CFH: variants seen among roughly 807,000 people sequenced by gnomAD.
CFH encodes complement factor H, also known as H factor 1 (complement).
Under a neutral mutation model 147.3 loss-of-function variants are expected in CFH, and 53 were observed. The ratio of observed to expected loss-of-function variants is 0.36; its 90% CI spans 0.29 to 0.45. CFH has a LOEUF of 0.45. Among genes scored for constraint, CFH ranks in the 20% least tolerant of loss-of-function variants. CFH has a pLI of 1.00. For synonymous variants in CFH, 536 were observed against 489.4 expected (o/e 1.10, Z -1.26); for missense variants, 1,380 against 1,498.0 (o/e 0.92, Z 1.30).
rs15809 is a variant in CFH at position 196,745,933 on chromosome 1, C to A, written c.3427C>A (p.Gln1143Lys). The A allele has an allele frequency of 4.3e-6, 7 of 1,613,904 alleles. No individual in the cohort carries two copies. The highest frequency in any genetic ancestry group is 2.2e-5 in the South Asian group (2 of 91,078). Residue 1143 changes from glutamine (Q) to lysine (K), a missense_variant, in exon 21 of 22, where the codon CAA becomes AAA. Physicochemically the swap from Gln to Lys is moderately conservative, Grantham distance 53. This residue lies in a region of CFH where 123 missense variants were observed against 185.3 expected (regional missense o/e 0.66). Coordinates refer to ENST00000367429, the MANE Select transcript of CFH (RefSeq NM_000186.4). ...SVEYQCQNLY[Q>K]LEGNKRITCR... Reference sequence around the variant, plus strand: ...TGAGTACCAATGCCAGAACTTGTATCAACTTGAGGGTAACAAGCGAATAAC... The same window carrying A: ...TGAGTACCAATGCCAGAACTTGTATAAACTTGAGGGTAACAAGCGAATAAC...
chr1:196,664,915 A>G (rs938274313), intron 1 of CFH, among the ~76,000 whole-genome samples: 14 of 151,950 alleles, frequency 9.2e-5, no homozygotes, highest in African/African-American at 2.7e-4. Flanking sequence ...AAGATTCTTT[A>G]TTGCTAAGTT....
chr1:196,703,612 G>GA (rs1668514459), intron 9 of CFH, among the ~76,000 whole-genome samples: 1 of 152,064 alleles, frequency 6.6e-6, no homozygotes, highest in Non-Finnish European at 1.5e-5. Flanking sequence ...AATAATGAAG[G>GA]TGACTGAAAT....
chr1:196,725,020 GTATGACCCAA>G (rs1669102714), intron 11 of CFH, 91 bp from the exon 12 acceptor site: 2 of 942,998 alleles, frequency 2.1e-6, no homozygotes, highest in East Asian at 5.3e-5. Context: ...ATGCCCCTCT[GTATGACCCAA>G]TATCAACCTC....
At chr1:196,665,882 T>A (rs1573001272) in intron 1 of CFH, among the ~76,000 whole-genome samples, 1 of 152,154 alleles carries the variant, frequency 6.6e-6, no homozygotes. Context: ...GCTGGGAATA[T>A]AGGCGTGAGC....
intron 1 of CFH, among the ~76,000 whole-genome samples, chr1:196,657,664 C>A (rs1255635826): frequency 6.6e-6 from 1 of 152,034 alleles, no homozygotes; most frequent in Non-Finnish European, 1.5e-5. Context: ...ATGCAAAATA[C>A]CTATTTTTGC....
chr1:196,668,791 TG>T (rs538780580), intron 1 of CFH, among the ~76,000 whole-genome samples: 191 of 152,282 alleles, frequency 1.3e-3, no homozygotes, highest in Non-Finnish European at 2.4e-3. Flanking sequence ...TCTTTTTTTA[TG>T]AACTACCCAG....
chr1:196,682,108 G>A (rs1191842199), intron 6 of CFH, among the ~76,000 whole-genome samples: 1 of 151,702 alleles, frequency 6.6e-6, no homozygotes, highest in Non-Finnish European at 1.5e-5. Context: ...CAAAACTTTG[G>A]TCTCTGTGTC....
intron 15 of CFH, among the ~76,000 whole-genome samples, chr1:196,729,956 T>G (rs567466521): frequency 6.6e-6 from 1 of 152,068 alleles, no homozygotes; most frequent in South Asian, 2.1e-4. Context: ...TCCGATCTTG[T>G]GTTTCTTTAA....
At chr1:196,740,014 C>T (rs1362290669) in intron 17 of CFH, among the ~76,000 whole-genome samples, 1 of 152,070 alleles carries the variant, frequency 6.6e-6, no homozygotes, top group African/African-American at 2.4e-5. Flanking sequence ...AAGTGCAAAG[C>T]AAAGACAGAA....
chr1:196,690,272 C>T, intron 9 of CFH, 33 bp downstream of exon 9: 1 of 1,610,742 alleles, frequency 6.2e-7, no homozygotes, highest in Non-Finnish European at 8.5e-7. Context: ...CTAGCATGTT[C>T]ATGTCTTTCT....
rs563920789 is a variant in CFH, at chr1:196,674,108, A to G, written c.350+146A>G. ...ACCTGAAAGTTTAACTATGATGGAA[A>G]TAATTAAATCTGGATACCATATTAT... On this transcript the variant is annotated intron_variant, in intron 3 of 21. Coordinates refer to ENST00000367429, the MANE Select transcript of CFH (RefSeq NM_000186.4). 66 of 640,364 alleles carry G rather than the reference A, an allele frequency of 1.0e-4. 1 individual carries two copies. Among genetic ancestry groups the G allele is most frequent in the Admixed American group, 8.4e-4 (30 of 35,670 alleles). 39.7% of individuals were successfully genotyped at this position (640,364 alleles called of 1,614,324 possible). A position where few individuals can be genotyped will look rare whatever the true frequency, so the allele number is the denominator to read the frequency against.
chr1:196,672,272 C>G (rs1217223709), intron 1 of CFH, among the ~76,000 whole-genome samples: 1 of 152,114 alleles, frequency 6.6e-6, no homozygotes, highest in Non-Finnish European at 1.5e-5. Flanking sequence ...AAAAAATGGC[C>G]AGAGACCCTA....
chr1:196,702,390 G>T (rs1265993881), intron 9 of CFH, among the ~76,000 whole-genome samples: 1 of 152,120 alleles, frequency 6.6e-6, no homozygotes, highest in Non-Finnish European at 1.5e-5. Flanking sequence ...CTTACAGGAG[G>T]TGTTGCTGCC....
intron 1 of CFH, among the ~76,000 whole-genome samples, chr1:196,671,770 T>TC (rs752060088): frequency 2.8e-4 from 42 of 149,540 alleles, no homozygotes; most frequent in Admixed American, 5.4e-4. Flanking sequence ...GATATATATA[T>TC]AATAAAAGCC....
intron 11 of CFH, among the ~76,000 whole-genome samples, chr1:196,723,139 C>T (rs539452225): frequency 2.0e-5 from 3 of 152,132 alleles, no homozygotes; most frequent in East Asian, 1.9e-4. Context: ...TGTTGTAATA[C>T]GCTGTTTTAA....
chr1:196,688,170 T>G (rs191184543), intron 7 of CFH, among the ~76,000 whole-genome samples: 7 of 152,122 alleles, frequency 4.6e-5, no homozygotes, highest in Admixed American at 2.0e-4. Context: ...AATACCATTT[T>G]GTTATTGAAA....
intron 9 of CFH, among the ~76,000 whole-genome samples, chr1:196,708,033 C>A (rs1410997): frequency 0.62 from 94,704 of 151,968 alleles, 30,028 homozygotes; most frequent in East Asian, 0.93. Flanking sequence ...TCTAGACATT[C>A]TATGCCATGC....
At chr1:196,684,949 A>G (rs1573021404) in intron 6 of CFH, 115 bp from the exon 7 acceptor site, 2 of 803,524 alleles carry the variant, frequency 2.5e-6, no homozygotes, top group East Asian at 2.7e-5. Context: ...TTTTAATGCC[A>G]TTTTGTATTA....
In CFH at chr1:196,737,663, T is replaced by G. The variant is rs1292707313; in HGVS notation, c.2782+3T>G. ...GAGTTCTCCACCTCAGTGTGAAGGT[T>G]AGGCCAATATGAATACTCAATTTCT... On this transcript the variant is annotated splice_donor_region_variant and intron_variant, in intron 17 of 21. Coordinates refer to ENST00000367429, the MANE Select transcript of CFH (RefSeq NM_000186.4). The G allele has an allele frequency of 6.2e-7, 1 of 1,612,024 alleles. No individual in the cohort carries two copies. The highest frequency in any genetic ancestry group is 1.3e-5 in the African/African-American group (1 of 74,866).
Sources: allele counts gnomAD v4.1 joint callset (sites outside exome capture counted in the v4.1 genomes callset), GRCh38; gene constraint gnomAD v4.1.1; regional missense constraint gnomAD v4.1.1; transcripts MANE v1.5; gene names NCBI Gene and HGNC (gene_info 2026-07-23, HGNC 2026-07-21).